The following GRIK5 variants were observed in gnomAD, a reference collection of about 807,000 sequenced individuals.
GRIK5 encodes the protein glutamate receptor ionotropic, kainate 5.
Under a neutral mutation model 97.4 loss-of-function variants are expected in GRIK5, and 43 were observed. The ratio of observed to expected loss-of-function variants is 0.44; its 90% CI spans 0.35 to 0.57. The LOEUF is 0.57. GRIK5 is among the 20% of genes least tolerant of loss of function. The pLI, the probability that GRIK5 is intolerant of heterozygous loss-of-function variation, is 0.01. For synonymous variants in GRIK5, 580 were observed against 583.5 expected (o/e 0.99, Z 0.09); for missense variants, 1,015 against 1,382.0 (o/e 0.73, Z 4.21).
chr19:42,016,482 C>T (rs1226662210), intron 15 of GRIK5, among the ~76,000 whole-genome samples: 1 of 152,216 alleles, frequency 6.6e-6, no homozygotes, highest in Non-Finnish European at 1.5e-5. Flanking sequence ...CTGGTACACA[C>T]CATGCACCCT....
rs533047739 is a variant in GRIK5, at chr19:42,065,188, C to T, written c.244+35G>A. On this transcript the variant is annotated intron_variant, in intron 3 of 19. Coordinates refer to ENST00000593562, the MANE Select transcript of GRIK5 (RefSeq NM_002088.5). This position sits in a 1 kb window ranked among gnomAD's most constrained non-coding sequence, Gnocchi z 5.8. Reference sequence around the variant, plus strand: ...GATGGACTGAGGGCCACCGACCTGCCCTGCCTCACCCCACGCCCCCATGGC... The same window carrying T: ...GATGGACTGAGGGCCACCGACCTGCTCTGCCTCACCCCACGCCCCCATGGC... 5.1e-6 allele frequency: 8 copies of T among 1,581,392 alleles called. No individual in the cohort carries two copies. The highest frequency in any genetic ancestry group is 1.3e-5 in the African/African-American group (1 of 74,682).
At chr19:42,040,516 C>G (rs2075964394) in intron 12 of GRIK5, among the ~76,000 whole-genome samples, 1 of 152,186 alleles carries the variant, frequency 6.6e-6, no homozygotes, top group African/African-American at 2.4e-5. Context: ...AGCTCTGGGG[C>G]TTCTCATCTC....
chr19:42,060,578 C>T (rs899060245), intron 5 of GRIK5, among the ~76,000 whole-genome samples: 2 of 150,842 alleles, frequency 1.3e-5, no homozygotes, highest in Admixed American at 6.6e-5. Flanking sequence ...TCAATAAATA[C>T]CTTTTTTTTT....
intron 12 of GRIK5, among the ~76,000 whole-genome samples, chr19:42,028,560 A>G (rs1267938732): frequency 6.6e-6 from 1 of 152,142 alleles, no homozygotes; most frequent in African/African-American, 2.4e-5. Flanking sequence ...GCTTCCCAAT[A>G]TCTACAAACC....
At chr19:42,030,682 T>G (rs2075830893) in intron 12 of GRIK5, among the ~76,000 whole-genome samples, 1 of 152,220 alleles carries the variant, frequency 6.6e-6, no homozygotes, top group South Asian at 2.1e-4. Context: ...GAGGCTGGTC[T>G]TGAACTCCTG....
chr19:42,020,996 G>A (rs892129222), intron 15 of GRIK5, among the ~76,000 whole-genome samples: 5 of 152,136 alleles, frequency 3.3e-5, no homozygotes, highest in African/African-American at 1.2e-4. Context: ...AGCAATTGGA[G>A]TAGCCATTCT....
intron 12 of GRIK5, among the ~76,000 whole-genome samples, chr19:42,037,950 G>A (rs978107762): frequency 6.6e-6 from 1 of 152,180 alleles, no homozygotes; most frequent in Non-Finnish European, 1.5e-5. Flanking sequence ...CTTCCCTCCT[G>A]CACAGGGCAG....
At chr19:42,031,911 C>A (rs1346321930) in intron 12 of GRIK5, among the ~76,000 whole-genome samples, 1 of 152,116 alleles carries the variant, frequency 6.6e-6, no homozygotes, top group Non-Finnish European at 1.5e-5. Flanking sequence ...AATGGGTGAA[C>A]CACTTGAGCC....
intron 15 of GRIK5, among the ~76,000 whole-genome samples, chr19:42,017,698 T>C (rs1417570220): frequency 6.6e-6 from 1 of 152,050 alleles, no homozygotes; most frequent in African/African-American, 2.4e-5. Context: ...TGCCTGGAGG[T>C]AAGACAGAGG....
chr19:42,069,762 C>T lies in GRIK5; in HGVS notation c.-572G>A, dbSNP rs1031991076. 6.6e-6 allele frequency among the ~76,000 whole-genome samples: 1 copy of T among 151,778 alleles called. No homozygotes were observed. The highest frequency in any genetic ancestry group is 2.4e-5 in the African/African-American group (1 of 41,338). ...GAGGGGGCCGCCCCCTTTCCCCCTC[C>T]CCCCTGGAGCCTGGGCCCTGCCCTG... On this transcript the variant is annotated 5_prime_UTR_variant, in exon 1 of 20. Transcript: ENST00000593562.
At chr19:42,027,023 C>T (rs1298894141) in intron 12 of GRIK5, among the ~76,000 whole-genome samples, 1 of 152,198 alleles carries the variant, frequency 6.6e-6, no homozygotes, top group African/African-American at 2.4e-5. Flanking sequence ...CCAACCCCCA[C>T]AGCCTCATCC....
chr19:42,013,106 C>T (rs2075583251), intron 15 of GRIK5, among the ~76,000 whole-genome samples: 1 of 151,268 alleles, frequency 6.6e-6, no homozygotes, highest in South Asian at 2.1e-4. Context: ...GTAATCGCGG[C>T]ACTTTGGGAG....
intron 15 of GRIK5, among the ~76,000 whole-genome samples, chr19:42,007,170 C>T: frequency 6.6e-6 from 1 of 151,684 alleles, no homozygotes; most frequent in Non-Finnish European, 1.5e-5. Context: ...TCTCAGCTCA[C>T]TGCAACCTCT....
chr19:42,051,707 ACAGGTCTTGCC>A (rs2146135178), intron 11 of GRIK5, among the ~76,000 whole-genome samples: 1 of 152,346 alleles, frequency 6.6e-6, no homozygotes, highest in African/African-American at 2.4e-5. Context: ...AGTGCCTGAC[ACAGGTCTTGCC>A]CAGAAACCCA....
chr19:42,049,087 G>A (rs1238528860), intron 11 of GRIK5, among the ~76,000 whole-genome samples: 1 of 151,940 alleles, frequency 6.6e-6, no homozygotes, highest in Non-Finnish European at 1.5e-5. Flanking sequence ...AACACAAAAA[G>A]GTGTTCTCCC....
At chr19:42,016,140 G>T (rs1599761089) in intron 15 of GRIK5, among the ~76,000 whole-genome samples, 1 of 152,272 alleles carries the variant, frequency 6.6e-6, no homozygotes, top group African/African-American at 2.4e-5. Context: ...AAATTATTTG[G>T]CCAGGCACAG....
At chr19:42,033,728 G>A (rs1235128725) in intron 12 of GRIK5, among the ~76,000 whole-genome samples, 4 of 152,152 alleles carry the variant, frequency 2.6e-5, no homozygotes. Context: ...GGCTGGGCAC[G>A]GTGGCTAATG....
chr19:42,024,633 G>C (rs1249269148), intron 12 of GRIK5, among the ~76,000 whole-genome samples: 1 of 152,172 alleles, frequency 6.6e-6, no homozygotes, highest in Non-Finnish European at 1.5e-5. Flanking sequence ...AGAGCCCGCA[G>C]AGAGCAGGTT....
rs2076273918 is a variant in GRIK5 at position 42,062,609 on chromosome 19, C to G, written c.387G>C (p.Gln129His). ...KVGPEETPRL[Q>H]YLRFASVSLY... The stretch of plus-strand genomic sequence containing the variant: ...GGCTGACAGACGCGAAGCGAAGGTA[C>G]TGAAGGCGGGGTGTCTCCTCGGGAC... The change falls in exon 5 of 20, where the codon CAG becomes CAC. Residue 129 changes from glutamine (Q) to histidine (H), a missense_variant. Around this residue, in one of 5 missense-constraint regions of GRIK5, gnomAD observed 198 missense variants for 218.2 expected, o/e 0.91. Coordinates refer to ENST00000593562, the MANE Select transcript of GRIK5 (RefSeq NM_002088.5). The surrounding 1 kb of genome is among the most constrained non-coding windows in gnomAD (Gnocchi z 5.3). The G allele has an allele frequency of 1.2e-6, 2 of 1,614,070 alleles. No individual in the cohort carries two copies. Among genetic ancestry groups the G allele is most frequent in the Non-Finnish European group, 1.7e-6 (2 of 1,180,034 alleles).
Sources: allele counts gnomAD v4.1 joint callset (sites outside exome capture counted in the v4.1 genomes callset), GRCh38; gene constraint gnomAD v4.1.1; regional missense constraint gnomAD v4.1.1; non-coding constraint Gnocchi (gnomAD v3.1); transcripts MANE v1.5; gene names NCBI Gene and HGNC (gene_info 2026-07-23, HGNC 2026-07-21).